AGAP2: variants seen among roughly 807,000 people sequenced by gnomAD.
AGAP2 encodes ArfGAP with GTPase domain, ankyrin repeat and PH domain 2.
Under a neutral mutation model 110.9 loss-of-function variants are expected in AGAP2, and 32 were observed. The ratio of observed to expected loss-of-function variants is 0.29; its 90% CI spans 0.22 to 0.39. The LOEUF (loss-of-function observed/expected upper bound fraction) is 0.39, where lower values mean the gene tolerates loss of function less well. Among genes scored for constraint, AGAP2 ranks in the 10% least tolerant of loss-of-function variants. The pLI is 1.00. For missense variants in AGAP2, 1,285 were observed against 1,638.5 expected, an observed-to-expected ratio of 0.78 and a Z score of 3.72; for synonymous variants, 702 against 713.0, an observed-to-expected ratio of 0.98 and a Z score of 0.25.
rs1290145013 is a variant in AGAP2, at chr12:57,727,704, A to G, written c.2834T>C (p.Ile945Thr). 3 of 1,608,372 alleles carry G rather than the reference A, an allele frequency of 1.9e-6. No homozygotes were observed. Among genetic ancestry groups the G allele is most frequent in the East Asian group, 2.2e-5 (1 of 44,742 alleles). Residue 945 changes from isoleucine to threonine, a missense_variant, in exon 16 of 19, where the codon ATC becomes ACC. Ile to Thr is a moderately conservative substitution (Grantham distance 89). Around this residue, in one of 7 missense-constraint regions of AGAP2, gnomAD observed 39 missense variants for 45.8 expected, o/e 0.85. Coordinates refer to ENST00000547588, the MANE Select transcript of AGAP2 (RefSeq NM_001122772.3). The stretch of plus-strand genomic sequence containing the variant: ...ACTGGGGGCCCCGCAGTCCACGCAG[A>G]TTGAATTCCCCTTGGCGTTCCGGAT... Reference protein sequence around the residue: ...QAIRNAKGNSICVDCGAPNPT... With the variant: ...QAIRNAKGNSTCVDCGAPNPT...
At position 57,734,684 on chromosome 12, in the gene AGAP2, G is replaced by A. The variant is rs1253368845; in HGVS notation, c.1228-5C>T. On this transcript the variant is annotated splice_region_variant and splice_polypyrimidine_tract_variant and intron_variant, in intron 2 of 18. Coordinates refer to ENST00000547588, the MANE Select transcript of AGAP2 (RefSeq NM_001122772.3). ...CCTGGCATCGCCCAGCACACCCTGAGGGCAAGGTTGTGGAGCAGAAATTGT... is the reference window on the plus strand; with the variant it reads ...CCTGGCATCGCCCAGCACACCCTGAAGGCAAGGTTGTGGAGCAGAAATTGT... 2 of 1,613,884 alleles carry A rather than the reference G, an allele frequency of 1.2e-6. No homozygotes were observed. Among genetic ancestry groups the A allele is most frequent in the African/African-American group, 1.3e-5 (1 of 74,906 alleles).
intron 5 of AGAP2, among the ~76,000 whole-genome samples, chr12:57,733,799 T>C (rs191421880): frequency 2.0e-5 from 3 of 152,288 alleles, no homozygotes; most frequent in African/African-American, 2.4e-5. Flanking sequence ...ATGGCTACTA[T>C]AGCTGTCCTT....
At chr12:57,735,877 G>T (rs238527) in intron 1 of AGAP2, among the ~76,000 whole-genome samples, 143,192 of 152,142 alleles carry the variant, frequency 0.94, 67,948 homozygotes, top group Non-Finnish European at 1. Context: ...CATTCCACAG[G>T]AGAGAAACTG....
At position 57,737,135 on chromosome 12, in the gene AGAP2, A is replaced by T; in HGVS notation, c.1112T>A (p.Leu371Gln). 6.4e-7 allele frequency: 1 copy of T among 1,567,842 alleles called. No individual in the cohort carries two copies. Among genetic ancestry groups the T allele is most frequent in the Non-Finnish European group, 8.6e-7 (1 of 1,157,144 alleles). The change falls in exon 1 of 19, where the codon CTG (leucine) becomes CAG (glutamine). Residue 371 changes from leucine (L) to glutamine (Q), a missense_variant. Physicochemically the swap from Leu to Gln is moderately radical, Grantham distance 113. Transcript: ENST00000547588. The surrounding 1 kb of genome is among the most constrained non-coding windows in gnomAD (Gnocchi z 5.9). ...GSGPLPGPPS[L>Q]SSGSGSRELL... is the part of the protein sequence containing the mutation. ...CTCCCTGGACCCGCTGCCAGAAGAC[A>T]GGCTGGGGGGTCCGGGAAGGGGCCC...
rs1467977754 is a variant in AGAP2 at position 57,726,839 on chromosome 12, C to T, written c.3337-45G>A. 8.4e-6 allele frequency: 12 copies of T among 1,434,204 alleles called. No homozygotes were observed. Among genetic ancestry groups the T allele is most frequent in the Non-Finnish European group, 1.1e-5 (12 of 1,099,090 alleles). The allele number at this position is 1,434,204 out of a possible 1,614,324, so 88.8% of individuals were successfully genotyped here. On this transcript the variant is annotated intron_variant, in intron 18 of 18. Transcript: ENST00000547588. This position sits in a 1 kb window ranked among gnomAD's most constrained non-coding sequence, Gnocchi z 5.7. ...GCGTGACCGCGCGTCCCCAGGGCGC[C>T]CACACCCGGCGCCGCCTCCCCCACA...
intron 5 of AGAP2, among the ~76,000 whole-genome samples, chr12:57,733,801 G>A (rs561183524): frequency 6.6e-6 from 1 of 152,274 alleles, no homozygotes; most frequent in South Asian, 2.1e-4. Flanking sequence ...GGCTACTATA[G>A]CTGTCCTTTC....
intron 10 of AGAP2, 128 bp downstream of exon 10, chr12:57,731,238 C>G: frequency 1.2e-6 from 1 of 846,192 alleles, no homozygotes; most frequent in Non-Finnish European, 1.9e-6. Flanking sequence ...TAACACATGC[C>G]TGCTAAACTT....
At position 57,737,698 on chromosome 12, in the gene AGAP2, A is replaced by T. The variant is rs1239317712; in HGVS notation, c.549T>A (p.Pro183=). ...TGSRRLKVAP[P]PPAPKPCKTV... is the part of the protein sequence containing the mutation. ...TCTTGCAAGGCTTGGGAGCCGGCGGAGGAGGCGCCACCTTGAGCCTCCGGC... is the reference window on the plus strand; with the variant it reads ...TCTTGCAAGGCTTGGGAGCCGGCGGTGGAGGCGCCACCTTGAGCCTCCGGC... Residue 183 remains proline, a synonymous_variant, in exon 1 of 19, where the codon CCT becomes CCA. Coordinates refer to ENST00000547588, the MANE Select transcript of AGAP2 (RefSeq NM_001122772.3). This position sits in a 1 kb window ranked among gnomAD's most constrained non-coding sequence, Gnocchi z 5.9. The T allele has an allele frequency of 2.6e-6, 4 of 1,549,476 alleles. No individual in the cohort carries two copies. Among genetic ancestry groups the T allele is most frequent in the Non-Finnish European group, 3.5e-6 (4 of 1,150,532 alleles).
At chr12:57,736,951 G>C in intron 1 of AGAP2, 128 bp downstream of exon 1, 1 of 1,430,448 alleles carries the variant, frequency 7.0e-7, no homozygotes. Context: ...TTGACAGAGG[G>C]GTGAGCTTGG....
chr12:57,729,583 C>T (rs1055830800), intron 13 of AGAP2, 56 bp downstream of exon 13: 45 of 1,579,052 alleles, frequency 2.8e-5, no homozygotes, highest in Non-Finnish European at 3.6e-5. Flanking sequence ...GGCCAGGGAG[C>T]TGATGTTGGG....
At position 57,727,714 on chromosome 12, in the gene AGAP2, C is replaced by G; in HGVS notation, c.2824G>C (p.Gly942Arg). ...VAIQAIRNAK[G>R]NSICVDCGAP... The stretch of plus-strand genomic sequence containing the variant: ...CCGCAGTCCACGCAGATTGAATTCC[C>G]CTTGGCGTTCCGGATCGCCTGGATG... The change falls in exon 16 of 19, where the codon GGG becomes CGG. Residue 942 changes from glycine (G) to arginine (R), a missense_variant. By Grantham distance (125) the Gly-to-Arg change is moderately radical. Transcript: ENST00000547588. 6.2e-7 allele frequency: 1 copy of G among 1,604,140 alleles called. No individual in the cohort carries two copies.
upstream of AGAP2, among the ~76,000 whole-genome samples, chr12:57,740,442 G>A (rs1196414842): frequency 1.3e-5 from 2 of 152,072 alleles, 1 homozygote; most frequent in Middle Eastern, 6.3e-3. Context: ...TGATGGCCTC[G>A]GTTTTCCTTT....
At position 57,725,354 on chromosome 12, in the gene AGAP2, A is replaced by AG. The variant is rs1954743629; in HGVS notation, c.*1197_*1198insC. On this transcript the variant is annotated 3_prime_UTR_variant, in exon 19 of 19. Transcript: ENST00000547588. ...TTTAGCCAGAAAAAAAAAAAAAAAA[A>AG]AAGACCGGAAACCACTGACACAGAC... 1 of 151,654 alleles carries AG rather than the reference A, an allele frequency of 6.6e-6. No individual in the cohort carries two copies. Among genetic ancestry groups the AG allele is most frequent in the Non-Finnish European group, 1.5e-5 (1 of 67,948 alleles). The allele number at this position is 151,654 out of a possible 1,614,324, so 9.4% of individuals were successfully genotyped here.
chr12:57,729,740 G>T lies in AGAP2; in HGVS notation c.2456C>A (p.Pro819His). The T allele has an allele frequency of 6.2e-7, 1 of 1,613,620 alleles. No individual in the cohort carries two copies. Among genetic ancestry groups the T allele is most frequent in the Non-Finnish European group, 8.5e-7 (1 of 1,179,732 alleles). ...TDCTPSGDLS[P>H]LSREPPPSPM... The stretch of plus-strand genomic sequence containing the variant: ...AGAAGGAGGGGGTTCCCGACTCAGG[G>T]GGCTCAGGTCTCCAGATGGGGTACA... The change falls in exon 13 of 19, where the codon CCC (proline) becomes CAC (histidine). Residue 819 changes from proline (P) to histidine (H), a missense_variant. Pro to His is a moderately conservative substitution (Grantham distance 77). Around this residue, in one of 7 missense-constraint regions of AGAP2, gnomAD observed 135 missense variants for 182.0 expected, o/e 0.74. Coordinates refer to ENST00000547588, the MANE Select transcript of AGAP2 (RefSeq NM_001122772.3).
Position 57,728,351 on chromosome 12 carries a change from A to G in AGAP2, c.2584T>C (p.Ser862Pro), listed in dbSNP as rs1954815123. 2 of 1,613,970 alleles carry G rather than the reference A, an allele frequency of 1.2e-6. 1 individual carries two copies. Among genetic ancestry groups the G allele is most frequent in the Middle Eastern group, 3.3e-4 (2 of 6,062 alleles). Residue 862 changes from serine (S) to proline (P), a missense_variant, in exon 14 of 19, where the codon TCC (serine) becomes CCC (proline). Transcript: ENST00000547588. The part of the protein sequence containing the change: ...EAKRKMWKLK[S>P]FGSLRNIYKA... ...TAAATATTTCTTAAACTACCAAAGGATTTTAGTTTCCACATTTTGCGCTTG... is the reference window on the plus strand; with the variant it reads ...TAAATATTTCTTAAACTACCAAAGGGTTTTAGTTTCCACATTTTGCGCTTG...
At chr12:57,731,717 A>G in intron 8 of AGAP2, 75 bp from the exon 9 acceptor site, 1 of 1,601,500 alleles carries the variant, frequency 6.2e-7, no homozygotes. Context: ...AGATAGATGA[A>G]GAAGGGCCCA....
chr12:57,727,330 C>T (rs780492325), intron 17 of AGAP2, 30 bp downstream of exon 17: 8 of 1,604,744 alleles, frequency 5.0e-6, no homozygotes. Context: ...CCTCAGCAAC[C>T]CTCCCCCCGC....
At chr12:57,735,282 A>T in intron 2 of AGAP2, 87 bp downstream of exon 2, 1 of 1,229,892 alleles carries the variant, frequency 8.1e-7, no homozygotes, top group Non-Finnish European at 1.2e-6. Context: ...AGAGAGAGAG[A>T]GAGAAGGAGA....
rs750370914 is a variant in AGAP2 at position 57,726,567 on chromosome 12, C to A, written c.3564G>T (p.Pro1188=). 4.1e-6 allele frequency: 5 copies of A among 1,209,614 alleles called. No individual in the cohort carries two copies. Among genetic ancestry groups the A allele is most frequent in the South Asian group, 4.0e-5 (1 of 25,208 alleles). 74.9% of individuals were successfully genotyped at this position (1,209,614 alleles called of 1,614,324 possible). A position where few individuals can be genotyped will look rare whatever the true frequency, so the allele number is the denominator to read the frequency against. ...SAASVGRADA[P]VALV ...CGCTGGGCAACTATACCAGCGCAACCGGGGCGTCGGCGCGGCCCACGCTAG... is the reference window on the plus strand; with the variant it reads ...CGCTGGGCAACTATACCAGCGCAACAGGGGCGTCGGCGCGGCCCACGCTAG... Residue 1188 remains proline (P), a synonymous_variant, in exon 19 of 19, where the codon CCG becomes CCT. Transcript: ENST00000547588. This position sits in a 1 kb window ranked among gnomAD's most constrained non-coding sequence, Gnocchi z 5.7.
Sources: allele counts gnomAD v4.1 joint callset (sites outside exome capture counted in the v4.1 genomes callset), GRCh38; gene constraint gnomAD v4.1.1; regional missense constraint gnomAD v4.1.1; non-coding constraint Gnocchi (gnomAD v3.1); transcripts MANE v1.5; gene names NCBI Gene and HGNC (gene_info 2026-07-23, HGNC 2026-07-21).